GPHN: variants seen among roughly 807,000 people sequenced by gnomAD.
GPHN encodes gephyrin.
A neutral mutation model predicts 95.5 loss-of-function variants in GPHN; 17 were observed. That is an observed-to-expected ratio of 0.18 (90% CI 0.12 to 0.27). The LOEUF (loss-of-function observed/expected upper bound fraction) is 0.27, where lower values mean the gene tolerates loss of function less well. Ranked by LOEUF, GPHN falls within the 10% of genes least tolerant of loss-of-function variation. The probability of loss-of-function intolerance (pLI) is 1.00; values close to 1 mark genes in which losing one functional copy is unlikely to be tolerated. For missense variants in GPHN, 660 were observed against 978.1 expected (o/e 0.67, Z 4.34); for synonymous variants, 320 against 322.5 (o/e 0.99, Z 0.08).
the GPHN span, among the ~76,000 whole-genome samples, chr14:67,415,798 A>T: frequency 6.6e-6 from 1 of 152,222 alleles, no homozygotes; most frequent in African/African-American, 2.4e-5. Flanking sequence ...TATGCAGCCA[A>T]AAACAGGAAT....
chr14:67,607,533 A>T, the GPHN span, among the ~76,000 whole-genome samples: 9,665 of 151,986 alleles, frequency 0.064, 893 homozygotes, highest in African/African-American at 0.2. Context: ...GGGCCAGTTA[A>T]TGTTTGTATT....
intron 12 of GPHN, 71 bp downstream of exon 12, chr14:67,089,146 T>TTTTTTTTTTTTTTTA (rs2077045386): frequency 2.1e-6 from 1 of 485,670 alleles, no homozygotes; most frequent in Non-Finnish European, 3.6e-6. Context: ...TTTTTTTTTT[T>TTTTTTTTTTTTTTTA]TTTTTTTTTT....
At chr14:66,525,654 T>A (rs140084504) in intron 1 of GPHN, among the ~76,000 whole-genome samples, 1 of 152,340 alleles carries the variant, frequency 6.6e-6, no homozygotes, top group East Asian at 1.9e-4. Context: ...TAATCTGTCT[T>A]GAGTTAATTT....
chr14:66,991,357 T>C (rs1002366672), intron 9 of GPHN, among the ~76,000 whole-genome samples: 2 of 152,002 alleles, frequency 1.3e-5, no homozygotes, highest in Admixed American at 1.3e-4. Flanking sequence ...TAAAACCACA[T>C]AGAGGAAAAA....
chr14:67,399,269 G>A, the GPHN span, among the ~76,000 whole-genome samples: 17 of 148,736 alleles, frequency 1.1e-4, no homozygotes, highest in African/African-American at 3.3e-4. Context: ...GAGAAGGGTC[G>A]TTTAGGTGGT....
chr14:67,279,063 G>A, the GPHN span: 2 of 1,101,442 alleles, frequency 1.8e-6, no homozygotes, highest in Non-Finnish European at 2.5e-6. Flanking sequence ...TGTGATGTGA[G>A]AAGTTTTTTT....
chr14:66,896,400 C>T (rs2064850065), intron 5 of GPHN, among the ~76,000 whole-genome samples: 1 of 152,086 alleles, frequency 6.6e-6, no homozygotes, highest in East Asian at 1.9e-4. Flanking sequence ...GGGCTGATCA[C>T]TTGAGTCCAG....
the GPHN span, among the ~76,000 whole-genome samples, chr14:67,711,140 T>C: frequency 6.6e-6 from 1 of 152,214 alleles, no homozygotes; most frequent in South Asian, 2.1e-4. Context: ...CTAGACCACC[T>C]AAAGCCACAA....
intron 9 of GPHN, among the ~76,000 whole-genome samples, chr14:66,982,311 A>G (rs1219691127): frequency 6.6e-6 from 1 of 152,130 alleles, no homozygotes; most frequent in Non-Finnish European, 1.5e-5. Flanking sequence ...TTTAGGATCC[A>G]GGCAATTTCT....
At chr14:66,774,574 A>AT (rs2059312805) in intron 2 of GPHN, among the ~76,000 whole-genome samples, 1 of 152,034 alleles carries the variant, frequency 6.6e-6, no homozygotes, top group Non-Finnish European at 1.5e-5. Context: ...ACCTATGTAT[A>AT]TTTTTTCTCT....
the GPHN span, among the ~76,000 whole-genome samples, chr14:67,266,498 G>A: frequency 6.6e-6 from 1 of 151,950 alleles, no homozygotes; most frequent in Non-Finnish European, 1.5e-5. Context: ...GCTAATTTTT[G>A]TATTTTTAGT....
chr14:66,601,544 C>T (rs2062245187), intron 1 of GPHN, among the ~76,000 whole-genome samples: 1 of 151,818 alleles, frequency 6.6e-6, no homozygotes, highest in Admixed American at 6.6e-5. Context: ...ACCATTTTTT[C>T]CAGTACTATT....
At chr14:67,314,400 A>C in the GPHN span, among the ~76,000 whole-genome samples, 25 of 152,356 alleles carry the variant, frequency 1.6e-4, no homozygotes, top group African/African-American at 6.0e-4. Flanking sequence ...GAAAGCTTCA[A>C]ATTTCTCACT....
chr14:67,087,591 A>G (rs1047746764), intron 11 of GPHN, among the ~76,000 whole-genome samples: 14 of 152,200 alleles, frequency 9.2e-5, no homozygotes, highest in Admixed American at 7.9e-4. Flanking sequence ...TTCAGGTGCC[A>G]AAAGGGAAGA....
chr14:66,755,165 A>G (rs1490333232), intron 2 of GPHN, among the ~76,000 whole-genome samples: 3 of 152,096 alleles, frequency 2.0e-5, no homozygotes, highest in Admixed American at 6.6e-5. Flanking sequence ...TATAGAGAGT[A>G]TCGGTTATAT....
the GPHN span, chr14:67,350,545 T>C: frequency 7.1e-7 from 1 of 1,400,266 alleles, no homozygotes; most frequent in Non-Finnish European, 9.9e-7. Context: ...AAAATGCTTT[T>C]TAAATGAAAT....
At chr14:67,562,023 G>T in the GPHN span, 2 of 1,613,858 alleles carry the variant, frequency 1.2e-6, no homozygotes, top group African/African-American at 1.3e-5. Flanking sequence ...ATCCCTTCAA[G>T]ATGCGCTAGA....
intron 4 of GPHN, among the ~76,000 whole-genome samples, chr14:66,864,299 G>A (rs552342681): frequency 1.8e-4 from 28 of 152,194 alleles, no homozygotes; most frequent in Middle Eastern, 3.4e-3. Context: ...GCTTTTATCC[G>A]AAAGACAGGG....
chr14:67,060,822 G>T (rs2075795381), intron 11 of GPHN, among the ~76,000 whole-genome samples: 1 of 152,110 alleles, frequency 6.6e-6, no homozygotes, highest in African/African-American at 2.4e-5. Flanking sequence ...AGTAGTTTCA[G>T]ATACCATTTA....
Sources: allele counts gnomAD v4.1 joint callset (sites outside exome capture counted in the v4.1 genomes callset), GRCh38; gene constraint gnomAD v4.1.1; transcripts MANE v1.5; gene names NCBI Gene and HGNC (gene_info 2026-07-23, HGNC 2026-07-21).